RASEF: variants seen among roughly 807,000 people sequenced by gnomAD.
RASEF encodes the protein RAS and EF-hand domain containing.
RASEF carries 68 observed loss-of-function variants against 90.1 expected under a neutral mutation model. The observed-to-expected ratio is 0.75, with a 90% CI of 0.62 to 0.92. RASEF has a LOEUF of 0.92. Ranked by LOEUF, RASEF falls within the 40% of genes least tolerant of loss-of-function variation. RASEF has a pLI of 0.00. For missense variants in RASEF, 949 were observed against 937.2 expected (o/e 1.01, Z -0.16); for synonymous variants, 331 against 345.2 (o/e 0.96, Z 0.46).
the RASEF span, among the ~76,000 whole-genome samples, chr9:83,150,151 C>A: frequency 6.6e-6 from 1 of 152,132 alleles, no homozygotes; most frequent in Admixed American, 6.6e-5. Context: ...GGACATAGCT[C>A]GGGAGCAGCC....
chr9:83,089,941 GATAGATAT>G, the RASEF span, among the ~76,000 whole-genome samples: 1 of 137,130 alleles, frequency 7.3e-6, no homozygotes, highest in African/African-American at 2.8e-5. Context: ...TAGATAGATA[GATAGATAT>G]AGATATATAG....
At chr9:83,035,313 C>G (rs1829720249) in intron 1 of RASEF, among the ~76,000 whole-genome samples, 1 of 152,120 alleles carries the variant, frequency 6.6e-6, no homozygotes, top group Admixed American at 6.6e-5. Context: ...GGCTGTGTTT[C>G]AATAAAATTT....
intron 1 of RASEF, among the ~76,000 whole-genome samples, chr9:83,057,323 T>C (rs1016453172): frequency 6.6e-6 from 1 of 152,192 alleles, no homozygotes; most frequent in Admixed American, 6.5e-5. Context: ...TAAGCTTTGA[T>C]AAACGAATTC....
At chr9:83,095,088 T>C in the RASEF span, among the ~76,000 whole-genome samples, 2 of 152,102 alleles carry the variant, frequency 1.3e-5, no homozygotes, top group African/African-American at 4.8e-5. Context: ...TAAAAGGAGA[T>C]GCTACCTGGG....
the RASEF span, among the ~76,000 whole-genome samples, chr9:83,079,459 G>A: frequency 4.5e-4 from 69 of 152,226 alleles, no homozygotes; most frequent in South Asian, 0.013. Flanking sequence ...TTGTAGTATA[G>A]TTTGAAGTCG....
chr9:83,168,030 T>G, the RASEF span, among the ~76,000 whole-genome samples: 32 of 152,234 alleles, frequency 2.1e-4, no homozygotes, highest in South Asian at 1.0e-3. Flanking sequence ...TACCTAGAAG[T>G]GGAACTGCTG....
At chr9:83,172,170 T>G in the RASEF span, among the ~76,000 whole-genome samples, 1 of 151,792 alleles carries the variant, frequency 6.6e-6, no homozygotes, top group East Asian at 1.9e-4. Flanking sequence ...GACCCGTTAC[T>G]CATTCAGGAG....
rs762033533 is a variant in RASEF, at chr9:83,062,536, GCGTCCTCGTCGCCTT to G, written c.317_331del (p.Glu106_Asp110del). On this transcript the variant is annotated inframe_deletion, in exon 1 of 17. Coordinates refer to ENST00000376447, the MANE Select transcript of RASEF (RefSeq NM_152573.4). ...GCACGAGGTGGCCAGCGCCGCCGCC[GCGTCCTCGTCGCCTT>G]CGTCCTCCTCGCTGTCGTGTGTCTC... The G allele has an allele frequency of 3.4e-5, 55 of 1,607,110 alleles. No homozygotes were observed. The highest frequency in any genetic ancestry group is 4.5e-5 in the Non-Finnish European group (53 of 1,177,296).
the RASEF span, among the ~76,000 whole-genome samples, chr9:83,096,771 T>C: frequency 9.2e-5 from 14 of 151,990 alleles, no homozygotes; most frequent in Non-Finnish European, 1.8e-4. Context: ...CCTCATGCTA[T>C]CCCTCCCCCC....
chr9:83,127,973 G>T, the RASEF span, among the ~76,000 whole-genome samples: 2 of 151,232 alleles, frequency 1.3e-5, no homozygotes, highest in Non-Finnish European at 2.9e-5. Context: ...AAGAAATAGA[G>T]CCAGGAAACA....
chr9:83,200,107 G>A, the RASEF span, among the ~76,000 whole-genome samples: 3 of 152,140 alleles, frequency 2.0e-5, no homozygotes, highest in East Asian at 1.9e-4. Context: ...AAGGCCGGGC[G>A]CGGTGGCTCA....
intron 15 of RASEF, among the ~76,000 whole-genome samples, chr9:82,992,614 C>T (rs1429197630): frequency 1.3e-5 from 2 of 152,218 alleles, no homozygotes; most frequent in East Asian, 3.9e-4. Context: ...TTTCTAGGAA[C>T]TAGGTGAGAG....
the RASEF span, among the ~76,000 whole-genome samples, chr9:83,106,049 T>C: frequency 6.6e-6 from 1 of 152,206 alleles, no homozygotes; most frequent in Non-Finnish European, 1.5e-5. Context: ...TATAAGTCTC[T>C]GGCCAGTTAT....
At chr9:83,076,624 T>C in the RASEF span, among the ~76,000 whole-genome samples, 2 of 152,342 alleles carry the variant, frequency 1.3e-5, no homozygotes, top group Non-Finnish European at 2.9e-5. Context: ...TATTTACTAT[T>C]GGCAAACCAA....
rs1192400977 is a variant in RASEF at position 83,025,826 on chromosome 9, T to C, written c.527A>G (p.Glu176Gly). The C allele has an allele frequency of 6.2e-7, 1 of 1,613,984 alleles. No homozygotes were observed. The highest frequency in any genetic ancestry group is 1.3e-5 in the African/African-American group (1 of 74,922). ...CATTTCTGTGCTTTGAAGTCTGATCTCACGGATGAAGTTCTTTATAACATG... is the reference window on the plus strand; with the variant it reads ...CATTTCTGTGCTTTGAAGTCTGATCCCACGGATGAAGTTCTTTATAACATG... Reference protein sequence around the residue: ...YEHVIKNFIREIRLQSTEMEN... With the variant: ...YEHVIKNFIRGIRLQSTEMEN... The change falls in exon 2 of 17, where the codon GAG (glutamate) becomes GGG (glycine). Residue 176 changes from glutamate (E) to glycine (G), a missense_variant. Transcript: ENST00000376447.
the RASEF span, among the ~76,000 whole-genome samples, chr9:83,094,137 A>G: frequency 6.6e-6 from 1 of 152,260 alleles, no homozygotes; most frequent in South Asian, 2.1e-4. Context: ...TAAAATGGAA[A>G]CATACTATCA....
At chr9:83,112,585 C>T in the RASEF span, among the ~76,000 whole-genome samples, 2 of 151,762 alleles carry the variant, frequency 1.3e-5, no homozygotes, top group African/African-American at 4.8e-5. Context: ...TACTTGGGAG[C>T]CTGAGGGAGG....
At chr9:83,076,592 A>G in the RASEF span, among the ~76,000 whole-genome samples, 4 of 152,214 alleles carry the variant, frequency 2.6e-5, no homozygotes, top group African/African-American at 9.6e-5. Flanking sequence ...GCAATAAACA[A>G]ATTATTTATT....
At chr9:83,044,841 A>G (rs1829900592) in intron 1 of RASEF, among the ~76,000 whole-genome samples, 1 of 152,224 alleles carries the variant, frequency 6.6e-6, no homozygotes, top group African/African-American at 2.4e-5. Context: ...TTAAATCAGT[A>G]GACTTCGAGT....
Sources: gnomAD v4.1 joint callset for allele counts (sites outside exome capture counted in the v4.1 genomes callset) on GRCh38, gnomAD v4.1.1 for gene constraint, MANE v1.5 for transcripts, NCBI Gene and HGNC (gene_info 2026-07-23, HGNC 2026-07-21) for gene names.